The following NFIB variants were observed in gnomAD, a reference collection of about 807,000 sequenced individuals.
NFIB encodes nuclear factor 1 B-type.
Under a neutral mutation model 61.5 loss-of-function variants are expected in NFIB, and 11 were observed. The observed-to-expected ratio is 0.18, with a 90% confidence interval of 0.11 to 0.30. The LOEUF (loss-of-function observed/expected upper bound fraction) is 0.30, where lower values mean the gene tolerates loss of function less well. Among genes scored for constraint, NFIB ranks in the 10% least tolerant of loss-of-function variants. The pLI is 1.00. For missense variants in NFIB, 471 were observed against 608.9 expected, an observed-to-expected ratio of 0.77 and a Z score of 2.38; for synonymous variants, 260 against 216.5, an observed-to-expected ratio of 1.20 and a Z score of -1.76.
rs370040835 is a variant in NFIB, at chr9:14,327,501, C to T, written c.109-19981G>A. Among the ~76,000 whole-genome samples the T allele has an allele frequency of 2.6e-5, 4 of 152,142 alleles. No homozygotes were observed. The East Asian group carries it at 5.8e-4, about 22-fold the overall frequency. On this transcript the variant is annotated intron_variant, in intron 1 of 8. Coordinates refer to the NFIB transcript ENST00000380934. ...CACACATTGCATGCTTAGCATGGGT[C>T]TGGACCTTGGGCTGGGTGCTGCCAT...
chr9:14,223,929 G>C (rs1248484841), intron 2 of NFIB, among the ~76,000 whole-genome samples: 1 of 152,118 alleles, frequency 6.6e-6, no homozygotes, highest in Non-Finnish European at 1.5e-5. Flanking sequence ...ACTCTAGTTG[G>C]CCAAGAAGTC....
At chr9:14,427,623 G>A in the NFIB span, among the ~76,000 whole-genome samples, 1 of 152,128 alleles carries the variant, frequency 6.6e-6, no homozygotes, top group African/African-American at 2.4e-5. Flanking sequence ...CATAGACTGG[G>A]CCAAGGCAAT....
chr9:14,210,729 C>T (rs1452722319), intron 2 of NFIB, among the ~76,000 whole-genome samples: 2 of 151,868 alleles, frequency 1.3e-5, no homozygotes, highest in Non-Finnish European at 2.9e-5. Context: ...CAATAGAAAA[C>T]ATCATTCACT....
intron 2 of NFIB, among the ~76,000 whole-genome samples, chr9:14,260,543 T>C (rs1027902250): frequency 5.3e-5 from 8 of 152,224 alleles, no homozygotes; most frequent in African/African-American, 1.9e-4. Context: ...CTTCAAATAA[T>C]AGGAACTTTT....
chr9:14,339,681 T>C (rs1330716316), intron 1 of NFIB, among the ~76,000 whole-genome samples: 2 of 152,186 alleles, frequency 1.3e-5, no homozygotes, highest in African/African-American at 2.4e-5. Context: ...AGCAATCCAC[T>C]AGACATTTAT....
chr9:14,322,044 G>A, intron 1 of NFIB: 1 of 1,208,686 alleles, frequency 8.3e-7, no homozygotes, highest in Non-Finnish European at 1.0e-6. Flanking sequence ...ATTTTCTCAG[G>A]GGTTGTTTTG....
chr9:14,489,916 T>C, the NFIB span, among the ~76,000 whole-genome samples: 400 of 152,200 alleles, frequency 2.6e-3, 2 homozygotes, highest in Middle Eastern at 6.8e-3. Flanking sequence ...TCTTACCCCA[T>C]TGATGGATAT....
intron 1 of NFIB, among the ~76,000 whole-genome samples, chr9:14,358,171 A>T (rs967884736): frequency 3.3e-5 from 5 of 150,894 alleles, no homozygotes; most frequent in African/African-American, 1.2e-4. Flanking sequence ...GTTTATTTAC[A>T]TAATTAATAT....
chr9:14,489,635 C>A, the NFIB span, among the ~76,000 whole-genome samples: 1 of 152,128 alleles, frequency 6.6e-6, no homozygotes, highest in South Asian at 2.1e-4. Flanking sequence ...TCCATAGGGA[C>A]AATCGCTATT....
intron 2 of NFIB, among the ~76,000 whole-genome samples, chr9:14,181,918 G>T (rs1410577356): frequency 6.6e-6 from 1 of 152,202 alleles, no homozygotes; most frequent in African/African-American, 2.4e-5. Context: ...GACTCTGCAT[G>T]AGCCTTAGCA....
intron 6 of NFIB, among the ~76,000 whole-genome samples, chr9:14,141,873 C>T (rs2041746138): frequency 7.7e-6 from 1 of 129,900 alleles, no homozygotes; most frequent in South Asian, 2.5e-4. Context: ...TGTTCTTTCA[C>T]TCTTTGCAAT....
intron 2 of NFIB, among the ~76,000 whole-genome samples, chr9:14,224,483 A>G (rs1433692587): frequency 6.6e-6 from 1 of 152,246 alleles, no homozygotes; most frequent in Non-Finnish European, 1.5e-5. Flanking sequence ...CTCCGCATAC[A>G]TGAATTCAAC....
intron 7 of NFIB, among the ~76,000 whole-genome samples, chr9:14,124,894 TATAG>T (rs1198976676): frequency 1.3e-5 from 2 of 152,184 alleles, no homozygotes; most frequent in Admixed American, 6.5e-5. Flanking sequence ...ATTACTCTCA[TATAG>T]ATAAATATTG....
the NFIB span, among the ~76,000 whole-genome samples, chr9:14,489,724 A>C: frequency 1.3e-5 from 2 of 151,976 alleles, no homozygotes; most frequent in Non-Finnish European, 2.9e-5. Context: ...TGCCACACCC[A>C]ATTTTTGGTA....
chr9:14,108,672 A>T (rs1363926514), intron 10 of NFIB, among the ~76,000 whole-genome samples: 1 of 152,046 alleles, frequency 6.6e-6, no homozygotes, highest in African/African-American at 2.4e-5. Context: ...TGAATTGATC[A>T]GGCCACTGAT....
At chr9:14,180,398 G>A (rs2046634634) in intron 2 of NFIB, among the ~76,000 whole-genome samples, 1 of 152,196 alleles carries the variant, frequency 6.6e-6, no homozygotes, top group African/African-American at 2.4e-5. Flanking sequence ...AGAGCAAATG[G>A]TTGAATCAAT....
intron 4 of NFIB, among the ~76,000 whole-genome samples, chr9:14,153,440 CAAG>C (rs1476346253): frequency 6.6e-6 from 1 of 152,078 alleles, no homozygotes; most frequent in East Asian, 1.9e-4. Flanking sequence ...CAGGGAGCTA[CAAG>C]AAGGCTGAAA....
the NFIB span, among the ~76,000 whole-genome samples, chr9:14,522,054 A>C: frequency 1.3e-5 from 2 of 152,216 alleles, no homozygotes; most frequent in Non-Finnish European, 2.9e-5. Flanking sequence ...AAGTGAAGGG[A>C]AACAGCCCAA....
intron 2 of NFIB, among the ~76,000 whole-genome samples, chr9:14,252,630 T>C (rs2055764585): frequency 6.6e-6 from 1 of 150,826 alleles, no homozygotes; most frequent in African/African-American, 2.5e-5. Flanking sequence ...AATACATGTT[T>C]CAGAAATAAT....
Sources: allele counts gnomAD v4.1 joint callset (sites outside exome capture counted in the v4.1 genomes callset), GRCh38; gene constraint gnomAD v4.1.1; transcripts MANE v1.5; gene names NCBI Gene and HGNC (gene_info 2026-07-23, HGNC 2026-07-21).